Variants in CSTPP1 observed in about 807,000 individuals in gnomAD.
The protein encoded by CSTPP1 is UPF0705 protein C11orf49.
chr11:46,950,318 C>T, the CSTPP1 span, among the ~76,000 whole-genome samples: 112 of 151,538 alleles, frequency 7.4e-4, no homozygotes, highest in African/African-American at 2.7e-3. Context: ...GGACTACAGG[C>T]GCCCGCCACC....
chr11:47,031,775 G>C, the CSTPP1 span, among the ~76,000 whole-genome samples: 17 of 150,152 alleles, frequency 1.1e-4, no homozygotes, highest in Non-Finnish European at 1.0e-4. Context: ...GGGTTCTCTA[G>C]AGGGATGGAA....
the CSTPP1 span, among the ~76,000 whole-genome samples, chr11:47,051,421 A>G: frequency 6.6e-6 from 1 of 152,120 alleles, no homozygotes; most frequent in African/African-American, 2.4e-5. Context: ...TCCCTGGCCC[A>G]GCTTAAACAA....
At chr11:47,076,574 C>T in the CSTPP1 span, among the ~76,000 whole-genome samples, 1 of 152,100 alleles carries the variant, frequency 6.6e-6, no homozygotes, top group Non-Finnish European at 1.5e-5. Context: ...GGCATGGTGG[C>T]TCACACCTAT....
At chr11:46,983,816 C>T in the CSTPP1 span, among the ~76,000 whole-genome samples, 5 of 152,146 alleles carry the variant, frequency 3.3e-5, no homozygotes, top group Non-Finnish European at 7.4e-5. Flanking sequence ...CACCAGGGCA[C>T]GGCAATTAGG....
the CSTPP1 span, among the ~76,000 whole-genome samples, chr11:47,027,075 T>A: frequency 2.6e-5 from 4 of 152,194 alleles, no homozygotes; most frequent in African/African-American, 4.8e-5. Flanking sequence ...GCAGTAACCT[T>A]TTCCCAGTGC....
the CSTPP1 span, among the ~76,000 whole-genome samples, chr11:46,976,690 T>A: frequency 6.6e-6 from 1 of 152,162 alleles, no homozygotes; most frequent in Non-Finnish European, 1.5e-5. Context: ...TTTTTTAAGT[T>A]TCTGTATTTA....
chr11:47,119,100 G>A, the CSTPP1 span, among the ~76,000 whole-genome samples: 2 of 152,244 alleles, frequency 1.3e-5, no homozygotes, highest in Non-Finnish European at 2.9e-5. Context: ...GTAGAGCTGC[G>A]GTGGGCTCCG....
the CSTPP1 span, among the ~76,000 whole-genome samples, chr11:46,948,692 T>C: frequency 6.6e-6 from 1 of 152,318 alleles, no homozygotes; most frequent in Non-Finnish European, 1.5e-5. Context: ...TCATTTACAA[T>C]GCTGGTGCAC....
the CSTPP1 span, among the ~76,000 whole-genome samples, chr11:47,104,032 C>A: frequency 6.6e-6 from 1 of 152,094 alleles, no homozygotes; most frequent in Non-Finnish European, 1.5e-5. Flanking sequence ...TCATCCTATT[C>A]TTTAATATAC....
At chr11:47,157,693 T>G in the CSTPP1 span, 1 of 774,038 alleles carries the variant, frequency 1.3e-6, no homozygotes, top group Non-Finnish European at 2.0e-6. Context: ...CCCCAGGGCC[T>G]TGGGGCTCCC....
the CSTPP1 span, among the ~76,000 whole-genome samples, chr11:46,988,772 A>G: frequency 6.6e-6 from 1 of 152,204 alleles, no homozygotes; most frequent in Non-Finnish European, 1.5e-5. Flanking sequence ...TGGATACCCT[A>G]TTCTCCATGA....
At chr11:47,090,042 T>A in the CSTPP1 span, among the ~76,000 whole-genome samples, 1 of 152,176 alleles carries the variant, frequency 6.6e-6, no homozygotes, top group Non-Finnish European at 1.5e-5. Flanking sequence ...AGTGCAATGG[T>A]GGGATCTCAG....
At chr11:47,105,241 TC>T in the CSTPP1 span, among the ~76,000 whole-genome samples, 2 of 152,142 alleles carry the variant, frequency 1.3e-5, no homozygotes, top group Non-Finnish European at 2.9e-5. Flanking sequence ...ATGCCTGTAA[TC>T]CCTACACTTT....
the CSTPP1 span, among the ~76,000 whole-genome samples, chr11:46,957,877 G>T: frequency 1.3e-5 from 2 of 151,740 alleles, no homozygotes; most frequent in African/African-American, 4.8e-5. Context: ...TATTGTATTA[G>T]CCAGAGTTCC....
the CSTPP1 span, among the ~76,000 whole-genome samples, chr11:47,025,546 T>G: frequency 1.3e-5 from 2 of 152,190 alleles, no homozygotes; most frequent in African/African-American, 4.8e-5. Flanking sequence ...AGGATTATGG[T>G]TTGAGAATTA....
the CSTPP1 span, among the ~76,000 whole-genome samples, chr11:47,053,500 T>C: frequency 1.3e-5 from 2 of 150,794 alleles, no homozygotes; most frequent in African/African-American, 2.4e-5. Flanking sequence ...ACTCCTATAA[T>C]CCCAGCTATT....
chr11:46,945,389 C>T, the CSTPP1 span, among the ~76,000 whole-genome samples: 1 of 152,002 alleles, frequency 6.6e-6, no homozygotes, highest in Non-Finnish European at 1.5e-5. Flanking sequence ...CTGAGGCGGG[C>T]AGATCACTTG....
the CSTPP1 span, among the ~76,000 whole-genome samples, chr11:46,938,000 G>A: frequency 6.6e-6 from 1 of 151,790 alleles, no homozygotes; most frequent in Non-Finnish European, 1.5e-5. Flanking sequence ...TCAGCCTCCC[G>A]AGTAGTTGAG....
the CSTPP1 span, among the ~76,000 whole-genome samples, chr11:47,042,116 C>T: frequency 6.8e-5 from 5 of 73,770 alleles, no homozygotes; most frequent in African/African-American, 1.4e-4. Flanking sequence ...GTGGGAGGAT[C>T]ACTTGAGCTC....
Sources: allele counts gnomAD v4.1 joint callset (sites outside exome capture counted in the v4.1 genomes callset), GRCh38; gene constraint gnomAD v4.1.1; transcripts MANE v1.5; gene names NCBI Gene and HGNC (gene_info 2026-07-23, HGNC 2026-07-21).